PLD5: variants seen among roughly 807,000 people sequenced by gnomAD.
PLD5 encodes the protein inactive phospholipase D5.
Under a neutral mutation model 61.1 loss-of-function variants are expected in PLD5, and 36 were observed. That is an observed-to-expected ratio of 0.59 (90% CI 0.45 to 0.78). PLD5 has a LOEUF of 0.78. Among genes scored for constraint, PLD5 ranks in the 30% least tolerant of loss-of-function variants. PLD5 has a pLI of 0.00. For missense variants in PLD5, 515 were observed against 644.4 expected (o/e 0.80, Z 2.17); for synonymous variants, 243 against 242.8 (o/e 1.00, Z -0.01).
intron 1 of PLD5, among the ~76,000 whole-genome samples, chr1:242,485,382 C>T (rs1262032323): frequency 6.6e-6 from 1 of 152,146 alleles, no homozygotes; most frequent in Admixed American, 6.5e-5. Context: ...GATACAAAAT[C>T]AATGTGCAAA....
intron 5 of PLD5, among the ~76,000 whole-genome samples, chr1:242,219,012 T>C (rs1670394747): frequency 6.6e-6 from 1 of 152,230 alleles, no homozygotes; most frequent in South Asian, 2.1e-4. Flanking sequence ...TAATGATTGA[T>C]AACAATAATC....
Position 242,378,046 on chromosome 1 carries a change from C to G in PLD5, c.190-29804G>C, listed in dbSNP as rs149508831. On this transcript the variant is annotated intron_variant, in intron 1 of 9. Transcript: ENST00000536534. Reference sequence around the variant, plus strand: ...CATCAAAAAGAATGGAAAGCAGGGACTCAAACAGAGAAATGTACAACAATG... The same window carrying G: ...CATCAAAAAGAATGGAAAGCAGGGAGTCAAACAGAGAAATGTACAACAATG... 3.9e-5 allele frequency among the ~76,000 whole-genome samples: 6 copies of G among 152,240 alleles called. No individual in the cohort carries two copies. In the East Asian group the frequency reaches 1.2e-3, roughly 29 times the overall value.
At chr1:242,261,692 C>T (rs185840883) in intron 4 of PLD5, among the ~76,000 whole-genome samples, 1,774 of 152,172 alleles carry the variant, frequency 0.012, 47 homozygotes, top group African/African-American at 0.04. Flanking sequence ...GCAGAGGCAC[C>T]TTCTCCAAGA....
chr1:242,287,182 G>A (rs998772332), intron 3 of PLD5, among the ~76,000 whole-genome samples: 17 of 152,188 alleles, frequency 1.1e-4, no homozygotes, highest in African/African-American at 3.4e-4. Flanking sequence ...CATCCCAGAC[G>A]TTCCAGTCAC....
At chr1:242,244,328 G>A (rs1311833761) in intron 4 of PLD5, among the ~76,000 whole-genome samples, 1 of 152,158 alleles carries the variant, frequency 6.6e-6, no homozygotes. Context: ...GGTGATCCAG[G>A]AAGACTTGGT....
intron 4 of PLD5, chr1:242,235,327 A>C (rs1434711883): frequency 6.6e-6 from 1 of 152,242 alleles, no homozygotes; most frequent in Non-Finnish European, 1.5e-5. Flanking sequence ...CAATTCATTT[A>C]ATAGGCCTGT....
rs1659511933 is a variant in PLD5 at position 242,087,139 on chromosome 1, A to G, written c.*2715T>C. The stretch of plus-strand genomic sequence containing the variant: ...TGGGAGACATGAACCCATTTCTGAC[A>G]CTCTTGGTATGGGGGTCACTTTTCT... On this transcript the variant is annotated 3_prime_UTR_variant, in exon 10 of 10. Coordinates refer to ENST00000536534, the MANE Select transcript of PLD5 (RefSeq NM_001372062.1). The G allele has an allele frequency of 6.6e-6, 1 of 151,988 alleles. No individual in the cohort carries two copies. Among genetic ancestry groups the G allele is most frequent in the South Asian group, 2.1e-4 (1 of 4,820 alleles). 9.4% of individuals were successfully genotyped at this position (151,988 alleles called of 1,614,324 possible).
chr1:242,144,353 C>T (rs142772463), intron 5 of PLD5, among the ~76,000 whole-genome samples: 18 of 152,144 alleles, frequency 1.2e-4, no homozygotes, highest in African/African-American at 4.1e-4. Context: ...AATAACATTA[C>T]TCAATTTCTC....
chr1:242,154,389 A>C (rs1665179404), intron 5 of PLD5, among the ~76,000 whole-genome samples: 1 of 152,156 alleles, frequency 6.6e-6, no homozygotes, highest in African/African-American at 2.4e-5. Flanking sequence ...GTTGAATAGG[A>C]GTGGTGAGTG....
chr1:242,425,424 TG>T lies in PLD5; in HGVS notation c.190-77183del, dbSNP rs544862852. ...AAAAATACAGCATAAACAATTAAAA[TG>T]GTATACCTGTAGAGGGCGCATACAA... On this transcript the variant is annotated intron_variant, in intron 1 of 9. Coordinates refer to ENST00000536534, the MANE Select transcript of PLD5 (RefSeq NM_001372062.1). Among the ~76,000 whole-genome samples the T allele has an allele frequency of 1.1e-3, 171 of 152,184 alleles. 1 individual carries two copies. Among genetic ancestry groups the T allele is most frequent in the African/African-American group, 3.9e-3 (164 of 41,522 alleles).
chr1:242,116,286 A>AGAAGGGGC (rs1661939229), intron 6 of PLD5, among the ~76,000 whole-genome samples: 1 of 152,204 alleles, frequency 6.6e-6, no homozygotes, highest in African/African-American at 2.4e-5. Context: ...CGCCCACCTT[A>AGAAGGGGC]GAAGGGGCAT....
chr1:242,333,962 G>C (rs928529031), intron 2 of PLD5, among the ~76,000 whole-genome samples: 2 of 152,164 alleles, frequency 1.3e-5, no homozygotes, highest in African/African-American at 4.8e-5. Context: ...ATACACATGG[G>C]CATGCAGATA....
chr1:242,450,510 C>CT (rs928184453), intron 1 of PLD5, among the ~76,000 whole-genome samples: 4 of 152,074 alleles, frequency 2.6e-5, no homozygotes, highest in African/African-American at 9.7e-5. Context: ...GGTTGGGTTC[C>CT]TTTTTTTACT....
intron 5 of PLD5, among the ~76,000 whole-genome samples, chr1:242,174,084 A>C (rs1232963080): frequency 1.3e-5 from 2 of 152,228 alleles, no homozygotes; most frequent in Middle Eastern, 3.2e-3. Flanking sequence ...TGCACAGCAA[A>C]AGAAACTACC....
chr1:242,286,465 A>G (rs1386526382), intron 3 of PLD5, among the ~76,000 whole-genome samples: 3 of 152,150 alleles, frequency 2.0e-5, no homozygotes, highest in Admixed American at 6.5e-5. Flanking sequence ...AGGGTGAGAA[A>G]ATAGCCCTTA....
rs1669387278 is a variant in PLD5, at chr1:242,524,539, G to GAC, written c.-264_-263insGT. 3 of 118,078 alleles carry GAC rather than the reference G, an allele frequency of 2.5e-5. No individual in the cohort carries two copies. The highest frequency in any genetic ancestry group is 3.5e-5 in the Non-Finnish European group (2 of 56,426). The allele number at this position is 118,078 out of a possible 1,614,324, so 7.3% of individuals were successfully genotyped here. ...AGGTGCGGGCGGGGGCGGGGGCGGGGGCGGAGGGGGACGGACGGGGAGAAG... is the reference window on the plus strand; with the variant it reads ...AGGTGCGGGCGGGGGCGGGGGCGGGGACGCGGAGGGGGACGGACGGGGAGAAG... On this transcript the variant is annotated 5_prime_UTR_variant, in exon 1 of 10. Transcript: ENST00000536534.
At position 242,255,066 on chromosome 1, in the gene PLD5, G is replaced by A. The variant is rs918709620; in HGVS notation, c.607+10271C>T. Reference sequence around the variant, plus strand: ...ATTGGAAAAGCATGCCGGGGTGACCGTTGGGGCACCCTGACTTCCATCTGG... The same window carrying A: ...ATTGGAAAAGCATGCCGGGGTGACCATTGGGGCACCCTGACTTCCATCTGG... On this transcript the variant is annotated intron_variant, in intron 4 of 9. Transcript: ENST00000536534. Among the ~76,000 whole-genome samples, 13 of 152,216 alleles carry A rather than the reference G, an allele frequency of 8.5e-5. 1 individual carries two copies. In the East Asian group the frequency reaches 1.7e-3, roughly 20 times the overall value.
At chr1:242,253,058 G>T (rs555061721) in intron 4 of PLD5, among the ~76,000 whole-genome samples, 3 of 149,560 alleles carry the variant, frequency 2.0e-5, no homozygotes, top group African/African-American at 7.4e-5. Flanking sequence ...CTCATGATCC[G>T]CTTGCCTTGG....
intron 4 of PLD5, among the ~76,000 whole-genome samples, chr1:242,226,962 G>T (rs1439470541): frequency 3.9e-5 from 6 of 152,152 alleles, no homozygotes. Flanking sequence ...AAAGAAAAAA[G>T]TATAATGCCA....
Sources: allele counts gnomAD v4.1 joint callset (sites outside exome capture counted in the v4.1 genomes callset), GRCh38; gene constraint gnomAD v4.1.1; transcripts MANE v1.5; gene names NCBI Gene and HGNC (gene_info 2026-07-23, HGNC 2026-07-21).